Variants in PDE4B observed in about 807,000 individuals in gnomAD.
PDE4B encodes phosphodiesterase 4B.
Under a neutral mutation model 82.2 loss-of-function variants are expected in PDE4B, and 20 were observed. The ratio of observed to expected loss-of-function variants is 0.24; its 90% CI spans 0.17 to 0.35. The LOEUF is 0.35. Among genes scored for constraint, PDE4B ranks in the 10% least tolerant of loss-of-function variants. The pLI is 1.00. For synonymous variants in PDE4B, 320 were observed against 318.9 expected, an observed-to-expected ratio of 1.00 and a Z score of -0.04; for missense variants, 655 against 907.2, an observed-to-expected ratio of 0.72 and a Z score of 3.57.
chr1:66,157,175 T>C (rs1646517582), intron 3 of PDE4B, among the ~76,000 whole-genome samples: 1 of 152,192 alleles, frequency 6.6e-6, no homozygotes, highest in Non-Finnish European at 1.5e-5. Flanking sequence ...GCTGAAAATG[T>C]AGATGTCATC....
chr1:66,007,274 A>G (rs573425792), intron 3 of PDE4B, among the ~76,000 whole-genome samples: 4 of 152,232 alleles, frequency 2.6e-5, no homozygotes, highest in Admixed American at 1.3e-4. Flanking sequence ...GTGAAACCCC[A>G]TCTCTAATAA....
intron 1 of PDE4B, among the ~76,000 whole-genome samples, chr1:65,838,491 GTA>G (rs1194280544): frequency 6.8e-6 from 1 of 146,792 alleles, no homozygotes; most frequent in Non-Finnish European, 1.5e-5. Context: ...ATACGTATAT[GTA>G]TATATATACG....
intron 3 of PDE4B, among the ~76,000 whole-genome samples, chr1:65,983,809 G>A (rs1007817298): frequency 2.4e-3 from 15 of 6,364 alleles, no homozygotes; most frequent in East Asian, 0.1. Flanking sequence ...CCCTAATAAC[G>A]TAATATATAC....
chr1:66,179,320 T>C (rs72922366), intron 3 of PDE4B, among the ~76,000 whole-genome samples: 5,990 of 152,234 alleles, frequency 0.039, 229 homozygotes, highest in African/African-American at 0.1. Context: ...AAAGCAATGA[T>C]AATTTTTTCC....
intron 3 of PDE4B, among the ~76,000 whole-genome samples, chr1:66,068,675 G>A (rs749883872): frequency 1.3e-5 from 2 of 151,716 alleles, no homozygotes; most frequent in African/African-American, 2.4e-5. Context: ...AAATATAATC[G>A]CTCATACAAA....
intron 3 of PDE4B, among the ~76,000 whole-genome samples, chr1:66,172,343 A>T (rs116235219): frequency 4.6e-5 from 7 of 152,124 alleles, no homozygotes; most frequent in African/African-American, 1.4e-4. Flanking sequence ...TCTTTATCCA[A>T]TTCACTGTGA....
At chr1:65,870,687 C>T (rs1204567138) in intron 1 of PDE4B, among the ~76,000 whole-genome samples, 1 of 151,790 alleles carries the variant, frequency 6.6e-6, no homozygotes, top group Non-Finnish European at 1.5e-5. Flanking sequence ...AGGGTTACAA[C>T]CTTTTTTCCC....
intron 3 of PDE4B, among the ~76,000 whole-genome samples, chr1:66,171,011 G>T (rs1044850705): frequency 2.0e-5 from 3 of 152,160 alleles, no homozygotes; most frequent in Admixed American, 1.3e-4. Flanking sequence ...CATAATTTTT[G>T]TGTGCAGTGC....
chr1:66,039,762 T>A (rs1654266786), intron 3 of PDE4B, among the ~76,000 whole-genome samples: 1 of 152,122 alleles, frequency 6.6e-6, no homozygotes, highest in African/African-American at 2.4e-5. Context: ...TTGCAGACTT[T>A]AAGACAGGAT....
chr1:66,151,930 T>C (rs1646402145), intron 3 of PDE4B, among the ~76,000 whole-genome samples: 1 of 152,222 alleles, frequency 6.6e-6, no homozygotes, highest in Admixed American at 6.5e-5. Flanking sequence ...TTATAGCACC[T>C]AGTGCAACAC....
At chr1:66,082,166 C>T (rs1656776543) in intron 3 of PDE4B, among the ~76,000 whole-genome samples, 1 of 152,108 alleles carries the variant, frequency 6.6e-6, no homozygotes, top group Admixed American at 6.6e-5. Flanking sequence ...GTCCTCATTG[C>T]ATACTTCATC....
intron 3 of PDE4B, among the ~76,000 whole-genome samples, chr1:65,951,114 C>T (rs1648970147): frequency 1.3e-5 from 2 of 152,072 alleles, no homozygotes. Flanking sequence ...CAAGTCTCCA[C>T]ATCAAAAATG....
intron 3 of PDE4B, among the ~76,000 whole-genome samples, chr1:66,206,227 G>A (rs911413445): frequency 1.3e-5 from 2 of 152,114 alleles, no homozygotes; most frequent in Admixed American, 1.3e-4. Context: ...TTCCTTCAGG[G>A]AAACTTGGAA....
At chr1:66,002,422 A>G (rs1040256734) in intron 3 of PDE4B, among the ~76,000 whole-genome samples, 7 of 152,132 alleles carry the variant, frequency 4.6e-5, no homozygotes, top group Non-Finnish European at 1.0e-4. Flanking sequence ...ATTAAAATAT[A>G]GTAGAGGGCT....
chr1:66,371,751 C>T (rs1323570729), intron 16 of PDE4B, among the ~76,000 whole-genome samples: 7 of 152,162 alleles, frequency 4.6e-5, no homozygotes, highest in African/African-American at 1.2e-4. Context: ...AGTCAGGAGC[C>T]AGCTCCTCAT....
At chr1:65,877,482 G>A (rs1646659006) in intron 1 of PDE4B, among the ~76,000 whole-genome samples, 1 of 152,132 alleles carries the variant, frequency 6.6e-6, no homozygotes, top group Non-Finnish European at 1.5e-5. Flanking sequence ...GGGCGTGGTG[G>A]CAGGCGCCTG....
chr1:66,207,200 G>T (rs896527225), intron 3 of PDE4B, among the ~76,000 whole-genome samples: 1 of 152,048 alleles, frequency 6.6e-6, no homozygotes, highest in African/African-American at 2.4e-5. Flanking sequence ...TACTCATGCT[G>T]TTTCTTTATC....
At chr1:66,175,567 T>C (rs1557610858) in intron 3 of PDE4B, among the ~76,000 whole-genome samples, 2 of 152,218 alleles carry the variant, frequency 1.3e-5, no homozygotes, top group Non-Finnish European at 1.5e-5. Context: ...AACAACTTTT[T>C]TATTTATAAA....
At chr1:66,152,788 C>A (rs1646429780) in intron 3 of PDE4B, among the ~76,000 whole-genome samples, 1 of 151,804 alleles carries the variant, frequency 6.6e-6, no homozygotes, top group Admixed American at 6.6e-5. Context: ...AGTCTTGAGT[C>A]TGAAATTAAT....
Sources: allele counts gnomAD v4.1 joint callset (sites outside exome capture counted in the v4.1 genomes callset), GRCh38; gene constraint gnomAD v4.1.1; transcripts MANE v1.5; gene names NCBI Gene and HGNC (gene_info 2026-07-23, HGNC 2026-07-21).